Variants in MRPL47 observed in about 807,000 individuals in gnomAD.
MRPL47 encodes mitochondrial ribosomal protein L47.
A neutral mutation model predicts 34.0 loss-of-function variants in MRPL47; 31 were observed. The ratio of observed to expected loss-of-function variants is 0.91; its 90% CI spans 0.68 to 1.23. The LOEUF (loss-of-function observed/expected upper bound fraction) is 1.23, where lower values mean the gene tolerates loss of function less well. Among genes scored for constraint, MRPL47 ranks in the 50% most tolerant of loss-of-function variants. The probability of loss-of-function intolerance (pLI) is 0.00; values close to 1 mark genes in which losing one functional copy is unlikely to be tolerated. For synonymous variants in MRPL47, 106 were observed against 101.6 expected, an observed-to-expected ratio of 1.04 and a Z score of -0.26; for missense variants, 328 against 285.8, an observed-to-expected ratio of 1.15 and a Z score of -1.07.
chr3:179,603,754 T>C (rs957416944), intron 1 of MRPL47, among the ~76,000 whole-genome samples: 3 of 152,242 alleles, frequency 2.0e-5, no homozygotes, highest in Non-Finnish European at 1.5e-5. Flanking sequence ...TAAAAATTAC[T>C]GTGCATCTGG....
rs746517469 is a variant in MRPL47, at chr3:179,593,870, T to C, written c.428A>G (p.Asp143Gly). 1 of 1,613,256 alleles carries C rather than the reference T, an allele frequency of 6.2e-7. No homozygotes were observed. Among genetic ancestry groups the C allele is most frequent in the Non-Finnish European group, 8.5e-7 (1 of 1,179,518 alleles). Residue 143 changes from aspartate to glycine, a missense_variant, in exon 5 of 7, where the codon GAT (aspartate) becomes GGT (glycine). Coordinates refer to ENST00000476781, the MANE Select transcript of MRPL47 (RefSeq NM_020409.3). Reference sequence around the variant, plus strand: ...ATCTTCTCTTTCCTGGACAACTTTATCTAATGCATCCATGGAATCTACTAC... The same window carrying C: ...ATCTTCTCTTTCCTGGACAACTTTACCTAATGCATCCATGGAATCTACTAC... Reference protein sequence around the residue: ...DKVVDSMDALDKVVQEREDAL... With the variant: ...DKVVDSMDALGKVVQEREDAL...
chr3:179,600,739 C>A (rs112410461), intron 3 of MRPL47, among the ~76,000 whole-genome samples: 1 of 152,078 alleles, frequency 6.6e-6, no homozygotes, highest in African/African-American at 2.4e-5. Context: ...ACAGGGTGGC[C>A]GAGAAGTGGT....
intron 1 of MRPL47, among the ~76,000 whole-genome samples, chr3:179,603,057 C>A (rs962946659): frequency 6.6e-6 from 1 of 151,824 alleles, no homozygotes; most frequent in East Asian, 1.9e-4. Context: ...CAGGGATGAG[C>A]CACCATGCTT....
chr3:179,601,673 A>T (rs1055881173), intron 3 of MRPL47, 57 bp downstream of exon 3: 2 of 1,066,708 alleles, frequency 1.9e-6, no homozygotes, highest in South Asian at 2.6e-5. Context: ...TTTTCACCTC[A>T]TTGTTACACT....
At chr3:179,592,517 C>T in intron 6 of MRPL47, 127 bp downstream of exon 6, 1 of 619,748 alleles carries the variant, frequency 1.6e-6, no homozygotes, top group South Asian at 2.4e-5. Flanking sequence ...TTTTATAATA[C>T]TTATGTAATA....
At chr3:179,602,593 C>CGG (rs1166034245) in intron 2 of MRPL47, 59 bp downstream of exon 2, 34 of 806,256 alleles carry the variant, frequency 4.2e-5, no homozygotes, top group Middle Eastern at 7.0e-4. Flanking sequence ...GATGGTTGGG[C>CGG]GGGGCGGGGG....
At position 179,588,799 on chromosome 3, in the gene MRPL47, C is replaced by A; in HGVS notation, c.*73G>T. Reference sequence around the variant, plus strand: ...CTAAAAACAGAATTTCTTTATAAACCACTTAACATATTTACTCCTGTACAC... The same window carrying A: ...CTAAAAACAGAATTTCTTTATAAACAACTTAACATATTTACTCCTGTACAC... On this transcript the variant is annotated 3_prime_UTR_variant, in exon 7 of 7. Transcript: ENST00000476781. 2 of 1,390,012 alleles carry A rather than the reference C, an allele frequency of 1.4e-6. No individual in the cohort carries two copies. The highest frequency in any genetic ancestry group is 1.5e-5 in the South Asian group (1 of 66,774). 86.1% of individuals were successfully genotyped at this position (1,390,012 alleles called of 1,614,324 possible).
At chr3:179,603,789 C>A (rs1482565094) in intron 1 of MRPL47, among the ~76,000 whole-genome samples, 2 of 151,934 alleles carry the variant, frequency 1.3e-5, no homozygotes, top group Non-Finnish European at 2.9e-5. Context: ...TGCAGTAATT[C>A]AAAAATCCTG....
At position 179,598,774 on chromosome 3, in the gene MRPL47, A is replaced by G. The variant is rs1317379899; in HGVS notation, c.306-3T>C. 1.9e-6 allele frequency: 3 copies of G among 1,585,214 alleles called. No homozygotes were observed. Among genetic ancestry groups the G allele is most frequent in the Non-Finnish European group, 2.6e-6 (3 of 1,154,506 alleles). On this transcript the variant is annotated splice_polypyrimidine_tract_variant and splice_region_variant and intron_variant, in intron 3 of 6. Transcript: ENST00000476781. The stretch of plus-strand genomic sequence containing the variant: ...TTCTTTCTTTCAGTAAGACATACCT[A>G]TACAAAAGAACACAAACCTTGTGAT...
At chr3:179,593,546 T>C (rs1718721663) in intron 5 of MRPL47, among the ~76,000 whole-genome samples, 1 of 152,252 alleles carries the variant, frequency 6.6e-6, no homozygotes, top group Non-Finnish European at 1.5e-5. Flanking sequence ...AACTGAATCA[T>C]AGGAATGGGA....
At chr3:179,595,831 G>T (rs1718777292) in intron 4 of MRPL47, among the ~76,000 whole-genome samples, 1 of 152,242 alleles carries the variant, frequency 6.6e-6, no homozygotes, top group Non-Finnish European at 1.5e-5. Flanking sequence ...TCAGTGCCAG[G>T]AGCGTCAGTT....
In MRPL47 at chr3:179,593,841, G is replaced by C. The variant is rs777583341; in HGVS notation, c.457C>G (p.Leu153Val). Residue 153 changes from leucine (L) to valine (V), a missense_variant, in exon 5 of 7, where the codon CTA becomes GTA. Coordinates refer to ENST00000476781, the MANE Select transcript of MRPL47 (RefSeq NM_020409.3). The part of the protein sequence containing the change: ...DKVVQEREDA[L>V]RLLQTGQERA... The stretch of plus-strand genomic sequence containing the variant: ...TCTTGACCAGTCTGAAGAAGCCTTA[G>C]GGCATCTTCTCTTTCCTGGACAACT... 6.2e-7 allele frequency: 1 copy of C among 1,612,456 alleles called. No individual in the cohort carries two copies. The highest frequency in any genetic ancestry group is 2.2e-5 in the East Asian group (1 of 44,856).
At position 179,593,910 on chromosome 3, in the gene MRPL47, GAA is replaced by G. The variant is rs1560018354; in HGVS notation, c.403-17_403-16del. On this transcript the variant is annotated splice_polypyrimidine_tract_variant and intron_variant, in intron 4 of 6. Transcript: ENST00000476781. ...GAATCTACTACCTGAAAAGAGAATA[GAA>G]AGATACAATTTCAACAATCATCTAC... 6.2e-7 allele frequency: 1 copy of G among 1,600,576 alleles called. No homozygotes were observed. Among genetic ancestry groups the G allele is most frequent in the East Asian group, 2.3e-5 (1 of 44,406 alleles).
intron 1 of MRPL47, among the ~76,000 whole-genome samples, chr3:179,603,974 A>G (rs903983469): frequency 5.2e-5 from 7 of 133,720 alleles, no homozygotes; most frequent in Admixed American, 4.0e-4. Context: ...TGTCAACAAC[A>G]TTAAGAAAAA....
chr3:179,602,957 A>G (rs1718963913), intron 1 of MRPL47, among the ~76,000 whole-genome samples, 160 bp from the exon 2 acceptor site: 1 of 152,084 alleles, frequency 6.6e-6, no homozygotes, highest in Non-Finnish European at 1.5e-5. Flanking sequence ...TCTTATTTAG[A>G]GACTGGGTCT....
At chr3:179,598,438 A>AAC (rs982792548) in intron 4 of MRPL47, among the ~76,000 whole-genome samples, 13 of 152,068 alleles carry the variant, frequency 8.5e-5, no homozygotes, top group Non-Finnish European at 1.3e-4. Context: ...ACAAAAAAAA[A>AAC]AAAACAAAAA....
At chr3:179,601,581 T>C in intron 3 of MRPL47, 149 bp downstream of exon 3, 3 of 581,258 alleles carry the variant, frequency 5.2e-6, no homozygotes, top group Non-Finnish European at 6.1e-6. Flanking sequence ...ATAAAATCTT[T>C]CATGATCTTA....
intron 3 of MRPL47, among the ~76,000 whole-genome samples, chr3:179,599,694 T>A (rs1718881886): frequency 6.6e-6 from 1 of 152,208 alleles, no homozygotes. Context: ...GAGAAACATC[T>A]CTTCTAGCTA....
rs1187050696 is a variant in MRPL47, at chr3:179,602,797, C to T, written c.99G>A (p.Gly33=). ...TCTTAGGCAACAAACTAAGAAAAAA[C>T]CTGCAATTGAACACACATAAACAAG... ...LITPQVPACT[G]FFLSLLPKST... The change falls in exon 2 of 7, where the codon GGG becomes GGA. Residue 33 remains glycine, a splice_region_variant and synonymous_variant. Coordinates refer to ENST00000476781, the MANE Select transcript of MRPL47 (RefSeq NM_020409.3). The T allele has an allele frequency of 3.7e-6, 6 of 1,600,188 alleles. No individual in the cohort carries two copies. Among genetic ancestry groups the T allele is most frequent in the Non-Finnish European group, 4.3e-6 (5 of 1,176,362 alleles).
Sources: gnomAD v4.1 joint callset for allele counts (sites outside exome capture counted in the v4.1 genomes callset) on GRCh38, gnomAD v4.1.1 for gene constraint, MANE v1.5 for transcripts, NCBI Gene and HGNC (gene_info 2026-07-23, HGNC 2026-07-21) for gene names.